ITPKB: variants seen among roughly 807,000 people sequenced by gnomAD.
The protein encoded by ITPKB is IP3 3-kinase B.
In ITPKB, 13 loss-of-function variants were observed where a neutral mutation model predicts 69.4. The ratio of observed to expected loss-of-function variants is 0.19; its 90% CI spans 0.12 to 0.30. The LOEUF (loss-of-function observed/expected upper bound fraction) is 0.30, where lower values mean the gene tolerates loss of function less well. Ranked by LOEUF, ITPKB falls within the 10% of genes least tolerant of loss-of-function variation. The pLI, the probability that ITPKB is intolerant of heterozygous loss-of-function variation, is 1.00. For missense variants in ITPKB, 1,240 were observed against 1,250.5 expected, an observed-to-expected ratio of 0.99 and a Z score of 0.13; for synonymous variants, 584 against 513.7, an observed-to-expected ratio of 1.14 and a Z score of -1.85.
At chr1:226,711,467 G>T (rs1656958270) in intron 2 of ITPKB, among the ~76,000 whole-genome samples, 1 of 138,282 alleles carries the variant, frequency 7.2e-6, no homozygotes, top group East Asian at 2.1e-4. Flanking sequence ...GTGTGTGTGT[G>T]TTGTGTATGT....
intron 2 of ITPKB, among the ~76,000 whole-genome samples, chr1:226,687,304 T>C (rs1451072744): frequency 2.0e-5 from 3 of 151,828 alleles, no homozygotes; most frequent in Non-Finnish European, 4.4e-5. Context: ...CTCTTCAGAG[T>C]CATGAGTCTA....
At chr1:226,710,445 T>C (rs1656918821) in intron 2 of ITPKB, among the ~76,000 whole-genome samples, 1 of 152,204 alleles carries the variant, frequency 6.6e-6, no homozygotes, top group Non-Finnish European at 1.5e-5. Flanking sequence ...TTCCTTCCTT[T>C]CTTCTGCAGG....
chr1:226,665,855 G>A (rs1390540208), intron 2 of ITPKB, among the ~76,000 whole-genome samples: 1 of 152,232 alleles, frequency 6.6e-6, no homozygotes, highest in Admixed American at 6.5e-5. Context: ...GGTGAGGCGA[G>A]GAGACACTCA....
At chr1:226,722,865 A>G (rs1571875480) in intron 2 of ITPKB, among the ~76,000 whole-genome samples, 1 of 127,508 alleles carries the variant, frequency 7.8e-6, no homozygotes, top group Non-Finnish European at 1.7e-5. Context: ...GGGGCTAGAA[A>G]AGGTTTGAAT....
chr1:226,707,181 CTTTT>C (rs1245880709), intron 2 of ITPKB: 1 of 610,030 alleles, frequency 1.6e-6, no homozygotes, highest in African/African-American at 2.0e-5. Flanking sequence ...AAAGTACAAT[CTTTT>C]TTTATTTTTT....
Position 226,735,310 on chromosome 1 carries a change from A to G in ITPKB, c.1932+217T>C, listed in dbSNP as rs190927886. Among the ~76,000 whole-genome samples, 4 of 152,352 alleles carry G rather than the reference A, an allele frequency of 2.6e-5. No individual in the cohort carries two copies. In the East Asian group the frequency reaches 7.7e-4, roughly 29 times the overall value. ...TTAAGATATGCATGGAAATAGTAGA[A>G]AGACTCAGATTCACTGTCCAAGCTA... On this transcript the variant is annotated intron_variant, in intron 2 of 7. Transcript: ENST00000429204.
chr1:226,719,071 T>C (rs1461226953), intron 2 of ITPKB, among the ~76,000 whole-genome samples: 2 of 151,858 alleles, frequency 1.3e-5, no homozygotes, highest in African/African-American at 4.8e-5. Flanking sequence ...AGGCCAGGAG[T>C]TTGAGATCAG....
rs552971106 is a variant in ITPKB, at chr1:226,666,780, A to G, written c.1933-18009T>C. Reference sequence around the variant, plus strand: ...CCTTGCAGATCTTTCTAAAACATCAATCTGATCATGCCAATTTCATCATGT... The same window carrying G: ...CCTTGCAGATCTTTCTAAAACATCAGTCTGATCATGCCAATTTCATCATGT... On this transcript the variant is annotated intron_variant, in intron 2 of 7. Coordinates refer to ENST00000429204, the MANE Select transcript of ITPKB (RefSeq NM_002221.4). Among the ~76,000 whole-genome samples, 256 of 152,210 alleles carry G rather than the reference A, an allele frequency of 1.7e-3. 2 individuals carry two copies. Among genetic ancestry groups the G allele is most frequent in the African/African-American group, 6.0e-3 (249 of 41,520 alleles).
At chr1:226,711,436 AGAGAGAGTGT>A (rs1173442343) in intron 2 of ITPKB, among the ~76,000 whole-genome samples, 1,585 of 132,184 alleles carry the variant, frequency 0.012, 15 homozygotes, top group Non-Finnish European at 0.019. Context: ...AGAGAGAGAG[AGAGAGAGTGT>A]GTGTGTGTGT....
At position 226,709,128 on chromosome 1, in the gene ITPKB, A is replaced by C. The variant is rs142236335; in HGVS notation, c.1932+26399T>G. ...CACCAGCTGTCTCCTTTCTGGATTC[A>C]CCCATTTCACAAAGGCTGTGACAAA... On this transcript the variant is annotated intron_variant, in intron 2 of 7. Transcript: ENST00000429204. 5.9e-4 allele frequency among the ~76,000 whole-genome samples: 90 copies of C among 152,284 alleles called. No homozygotes were observed. In the East Asian group the frequency reaches 0.015, roughly 25 times the overall value.
intron 4 of ITPKB, among the ~76,000 whole-genome samples, chr1:226,646,688 G>A (rs1262024552): frequency 6.6e-6 from 1 of 151,930 alleles, no homozygotes; most frequent in African/African-American, 2.4e-5. Context: ...GGTCTTTTTT[G>A]GGAAACCAGC....
At chr1:226,674,269 G>A (rs560654119) in intron 2 of ITPKB, among the ~76,000 whole-genome samples, 26 of 151,922 alleles carry the variant, frequency 1.7e-4, no homozygotes, top group Non-Finnish European at 1.0e-4. Context: ...GCACCATCTC[G>A]GCTCACTGCA....
rs1447385599 is a variant in ITPKB, at chr1:226,714,830, TG to T, written c.1932+20696del. Among the ~76,000 whole-genome samples the T allele has an allele frequency of 2.6e-5, 4 of 152,222 alleles. No homozygotes were observed. The East Asian group carries it at 7.7e-4, about 29-fold the overall frequency. On this transcript the variant is annotated intron_variant, in intron 2 of 7. Transcript: ENST00000429204. ...CATCTGGGAAGACAGTACAGAGTGG[TG>T]GGCACAAGAGCAGGCTCTAGAGCAG...
Position 226,699,305 on chromosome 1 carries a change from C to T in ITPKB, c.1932+36222G>A, listed in dbSNP as rs144592092. ...TACCTGGAGGATGATCTCTGAGGAT[C>T]TCTGCACCGCCAAGCACCCTCCGGG... On this transcript the variant is annotated intron_variant, in intron 2 of 7. Coordinates refer to ENST00000429204, the MANE Select transcript of ITPKB (RefSeq NM_002221.4). Among the ~76,000 whole-genome samples the T allele has an allele frequency of 1.5e-3, 232 of 152,334 alleles. 3 individuals are homozygous for T. Among genetic ancestry groups the T allele is most frequent in the South Asian group, 0.012 (56 of 4,830 alleles).
chr1:226,708,901 C>A (rs1201657516), intron 2 of ITPKB, among the ~76,000 whole-genome samples: 5 of 152,196 alleles, frequency 3.3e-5, no homozygotes, highest in Non-Finnish European at 7.3e-5. Flanking sequence ...GCCATGCTGC[C>A]CTAGGCCAGT....
intron 2 of ITPKB, among the ~76,000 whole-genome samples, chr1:226,672,177 GC>G: frequency 6.6e-6 from 1 of 152,246 alleles, no homozygotes; most frequent in South Asian, 2.1e-4. Flanking sequence ...GAGAATCCAA[GC>G]CCCCTTTAAT....
rs981559919 is a variant in ITPKB at position 226,738,507 on chromosome 1, G to C, written c.-206+534C>G. 6.6e-6 allele frequency among the ~76,000 whole-genome samples: 1 copy of C among 152,220 alleles called. No individual in the cohort carries two copies. The highest frequency in any genetic ancestry group is 6.5e-5 in the Admixed American group (1 of 15,292). On this transcript the variant is annotated intron_variant, in intron 1 of 7. Transcript: ENST00000429204. This position sits in a 1 kb window ranked among gnomAD's most constrained non-coding sequence, Gnocchi z 4.2. The stretch of plus-strand genomic sequence containing the variant: ...GCGTGTGTGTATACGCCGCACGCGC[G>C]CGGAGCGAGTCCGCTCTCAGCGCGC...
intron 2 of ITPKB, among the ~76,000 whole-genome samples, chr1:226,724,724 T>C (rs910044687): frequency 6.6e-6 from 1 of 152,200 alleles, no homozygotes; most frequent in African/African-American, 2.4e-5. Flanking sequence ...TAAGACTCTA[T>C]AACGTGTACT....
intron 4 of ITPKB, among the ~76,000 whole-genome samples, chr1:226,646,267 T>C (rs1010211534): frequency 3.3e-5 from 5 of 152,022 alleles, no homozygotes; most frequent in African/African-American, 1.2e-4. Flanking sequence ...CTGGACACCA[T>C]GGGGGCCGAC....
Sources: gnomAD v4.1 joint callset for allele counts (sites outside exome capture counted in the v4.1 genomes callset) on GRCh38, gnomAD v4.1.1 for gene constraint, Gnocchi (gnomAD v3.1) non-coding constraint, MANE v1.5 for transcripts, NCBI Gene and HGNC (gene_info 2026-07-23, HGNC 2026-07-21) for gene names.